The following TCF12 variants were observed in gnomAD, a reference collection of about 807,000 sequenced individuals.
The protein encoded by TCF12 is DNA-binding protein HTF4.
Under a neutral mutation model 86.0 loss-of-function variants are expected in TCF12, and 45 were observed. The observed-to-expected ratio is 0.52, with a 90% CI of 0.41 to 0.67. The LOEUF (loss-of-function observed/expected upper bound fraction) is 0.67. Ranked by LOEUF, TCF12 falls within the 30% of genes least tolerant of loss-of-function variation. The pLI is 0.00. For missense variants in TCF12, 881 were observed against 859.9 expected, an observed-to-expected ratio of 1.02 and a Z score of -0.31; for synonymous variants, 330 against 299.6, an observed-to-expected ratio of 1.10 and a Z score of -1.05.
intron 19 of TCF12, among the ~76,000 whole-genome samples, chr15:57,274,230 T>C (rs957341342): frequency 3.5e-3 from 38 of 10,952 alleles, no homozygotes; most frequent in Non-Finnish European, 7.4e-3. Flanking sequence ...GCCTCAGCAT[T>C]AGATTACAGA....
chr15:57,100,050 A>G (rs1057464108), intron 5 of TCF12, among the ~76,000 whole-genome samples: 1 of 152,142 alleles, frequency 6.6e-6, no homozygotes, highest in Admixed American at 6.5e-5. Context: ...ATCAGTAGTT[A>G]TCTTTATGGA....
chr15:57,252,301 A>G, intron 14 of TCF12, 120 bp from the exon 15 acceptor site: 1 of 680,270 alleles, frequency 1.5e-6, no homozygotes, highest in Non-Finnish European at 2.5e-6. Context: ...TAGATCTCGC[A>G]AGTCTTGGCG....
At chr15:57,271,405 A>T (rs2152091845) in intron 18 of TCF12, among the ~76,000 whole-genome samples, 1 of 152,320 alleles carries the variant, frequency 6.6e-6, no homozygotes, top group African/African-American at 2.4e-5. Flanking sequence ...CAGGCACGGG[A>T]GGGAATCTCC....
At chr15:57,070,057 T>A (rs2069233649) in intron 4 of TCF12, among the ~76,000 whole-genome samples, 1 of 152,200 alleles carries the variant, frequency 6.6e-6, no homozygotes, top group Admixed American at 6.5e-5. Flanking sequence ...TGGGTACTAA[T>A]AATAACTTCC....
At chr15:57,230,116 G>C (rs1397873883) in intron 8 of TCF12, among the ~76,000 whole-genome samples, 1 of 151,834 alleles carries the variant, frequency 6.6e-6, no homozygotes, top group African/African-American at 2.4e-5. Context: ...TGTAATTCTA[G>C]AAATTTTCTA....
intron 3 of TCF12, among the ~76,000 whole-genome samples, chr15:56,988,040 TA>T (rs1387945694): frequency 3.9e-5 from 6 of 152,166 alleles, no homozygotes; most frequent in African/African-American, 9.7e-5. Context: ...TTAATGTGCT[TA>T]AAAATAACAG....
At chr15:56,940,515 C>T (rs1232902124) in intron 3 of TCF12, among the ~76,000 whole-genome samples, 4 of 149,804 alleles carry the variant, frequency 2.7e-5, no homozygotes, top group African/African-American at 7.5e-5. Context: ...TCTTCTCCTC[C>T]TCCTCCTTCT....
chr15:56,938,439 G>A (rs1005096480), intron 3 of TCF12, among the ~76,000 whole-genome samples: 3 of 152,110 alleles, frequency 2.0e-5, no homozygotes, highest in South Asian at 2.1e-4. Context: ...GATTACAGGC[G>A]TGAGCCACCG....
intron 7 of TCF12, 104 bp downstream of exon 7, chr15:57,192,397 TTC>T: frequency 1.4e-6 from 2 of 1,469,482 alleles, no homozygotes; most frequent in South Asian, 2.7e-5. Flanking sequence ...TTCTTTCCGT[TTC>T]TTTGTTTAAG....
intron 5 of TCF12, among the ~76,000 whole-genome samples, chr15:57,152,356 A>G (rs2053824087): frequency 6.6e-6 from 1 of 152,198 alleles, no homozygotes; most frequent in Non-Finnish European, 1.5e-5. Flanking sequence ...TATTGGAACT[A>G]TCGAGGCAAA....
At chr15:56,957,530 C>T (rs1422757909) in intron 3 of TCF12, among the ~76,000 whole-genome samples, 1 of 151,070 alleles carries the variant, frequency 6.6e-6, no homozygotes. Flanking sequence ...TCATCTCATA[C>T]ATTATGGTTT....
At chr15:56,966,810 A>G (rs2062025455) in intron 3 of TCF12, among the ~76,000 whole-genome samples, 1 of 152,206 alleles carries the variant, frequency 6.6e-6, no homozygotes, top group Non-Finnish European at 1.5e-5. Context: ...AACTTATTGA[A>G]TAGTAGAAGT....
chr15:57,215,356 T>C (rs1297196813), intron 8 of TCF12, among the ~76,000 whole-genome samples: 1 of 152,152 alleles, frequency 6.6e-6, no homozygotes, highest in South Asian at 2.1e-4. Flanking sequence ...TCTCTCACTA[T>C]CCTCTTAAAT....
At chr15:57,112,415 T>C (rs1447239731) in intron 5 of TCF12, among the ~76,000 whole-genome samples, 7 of 152,160 alleles carry the variant, frequency 4.6e-5, no homozygotes, top group African/African-American at 1.7e-4. Flanking sequence ...ACACTACTCT[T>C]TGGAATGCCC....
chr15:57,001,330 A>G (rs1379155102), intron 3 of TCF12: 1 of 179,616 alleles, frequency 5.6e-6, no homozygotes, highest in Non-Finnish European at 1.2e-5. Flanking sequence ...AATTCCACAA[A>G]TTGTATTATT....
intron 3 of TCF12, among the ~76,000 whole-genome samples, chr15:57,011,010 G>A (rs2064798031): frequency 6.6e-6 from 1 of 152,134 alleles, no homozygotes; most frequent in Non-Finnish European, 1.5e-5. Context: ...GGGACTTTGA[G>A]TTTGTGCTGG....
At chr15:57,130,487 T>C (rs552232522) in intron 5 of TCF12, among the ~76,000 whole-genome samples, 1 of 152,300 alleles carries the variant, frequency 6.6e-6, no homozygotes, top group African/African-American at 2.4e-5. Context: ...CCTACTCTTT[T>C]GGCAGGATTT....
intron 7 of TCF12, among the ~76,000 whole-genome samples, chr15:57,193,645 A>T (rs936224401): frequency 2.0e-5 from 3 of 152,230 alleles, no homozygotes; most frequent in Non-Finnish European, 4.4e-5. Flanking sequence ...CCACCAAAAG[A>T]TTATGTCACA....
chr15:56,923,773 C>T (rs1364517920), intron 3 of TCF12, among the ~76,000 whole-genome samples: 4 of 151,722 alleles, frequency 2.6e-5, no homozygotes, highest in Non-Finnish European at 5.9e-5. Flanking sequence ...GTTTTTGAAT[C>T]CAAGTAGTAA....
Sources: allele counts gnomAD v4.1 joint callset (sites outside exome capture counted in the v4.1 genomes callset), GRCh38; gene constraint gnomAD v4.1.1; transcripts MANE v1.5; gene names NCBI Gene and HGNC (gene_info 2026-07-23, HGNC 2026-07-21).